Variants in NUAK1 observed in about 807,000 individuals in gnomAD.
The protein encoded by NUAK1 is NUAK family SNF1-like kinase 1.
A neutral mutation model predicts 56.9 loss-of-function variants in NUAK1; 26 were observed. The ratio of observed to expected loss-of-function variants is 0.46; its 90% CI spans 0.33 to 0.63. NUAK1 has a LOEUF of 0.63. Ranked by LOEUF, NUAK1 falls within the 30% of genes least tolerant of loss-of-function variation. The probability of loss-of-function intolerance (pLI) is 0.02; values close to 1 mark genes in which losing one functional copy is unlikely to be tolerated. For synonymous variants in NUAK1, 337 were observed against 336.0 expected (o/e 1.00, Z -0.03); for missense variants, 727 against 876.1 (o/e 0.83, Z 2.15).
rs766989137 is a variant in NUAK1 at position 106,067,173 on chromosome 12, C to G, written c.1615G>C (p.Ala539Pro). ...GTGGGCATTTCAGGGCTGACCAGGGCTGGGTCCATGGTGCCCGCTGAGTAT... is the reference window on the plus strand; with the variant it reads ...GTGGGCATTTCAGGGCTGACCAGGGGTGGGTCCATGGTGCCCGCTGAGTAT... ...SKYSAGTMDP[A>P]LVSPEMPTLE... The change falls in exon 7 of 7, where the codon GCC becomes CCC. Residue 539 changes from alanine (A) to proline (P), a missense_variant. Transcript: ENST00000261402. The surrounding 1 kb of genome is among the most constrained non-coding windows in gnomAD (Gnocchi z 6.0). 1 of 1,614,140 alleles carries G rather than the reference C, an allele frequency of 6.2e-7. No individual in the cohort carries two copies. The highest frequency in any genetic ancestry group is 8.5e-7 in the Non-Finnish European group (1 of 1,180,010).
At chr12:106,093,880 C>A (rs1180720806) in intron 2 of NUAK1, among the ~76,000 whole-genome samples, 1 of 152,162 alleles carries the variant, frequency 6.6e-6, no homozygotes, top group Non-Finnish European at 1.5e-5. Context: ...CTCACTGCAA[C>A]CTCCGCCTCC....
intron 1 of NUAK1, among the ~76,000 whole-genome samples, chr12:106,121,750 G>A (rs766921562): frequency 5.9e-5 from 9 of 151,620 alleles, no homozygotes; most frequent in Admixed American, 2.0e-4. Flanking sequence ...ACCCTGTCTC[G>A]GGAAAAAAAA....
chr12:106,099,837 C>T (rs910230794), intron 2 of NUAK1, among the ~76,000 whole-genome samples: 2 of 151,668 alleles, frequency 1.3e-5, no homozygotes, highest in Admixed American at 6.6e-5. Context: ...GTCACCCAGG[C>T]TGGAGTGCAG....
In NUAK1 at chr12:106,066,468, C is replaced by CTGAAGCAT. The variant is rs1555222466; in HGVS notation, c.*333_*334insATGCTTCA. 1 of 295,124 alleles carries CTGAAGCAT rather than the reference C, an allele frequency of 3.4e-6. No individual in the cohort carries two copies. The highest frequency in any genetic ancestry group is 6.4e-6 in the Non-Finnish European group (1 of 155,232). The allele number at this position is 295,124 out of a possible 1,614,324, so 18.3% of individuals were successfully genotyped here. A position where few individuals can be genotyped will look rare whatever the true frequency, so the allele number is the denominator to read the frequency against. ...CCCTCCTCCAGAAGCATCTGGATGA[C>CTGAAGCAT]TTCTAAGGAAATGCTCCTTCCACAT... On this transcript the variant is annotated 3_prime_UTR_variant, in exon 7 of 7. Transcript: ENST00000261402.
chr12:106,107,080 T>G (rs1280085175), intron 1 of NUAK1, among the ~76,000 whole-genome samples: 1 of 152,158 alleles, frequency 6.6e-6, no homozygotes, highest in Non-Finnish European at 1.5e-5. Flanking sequence ...TCCTACATCC[T>G]TCCTCTTGCC....
At chr12:106,069,362 G>A (rs1243992746) in intron 6 of NUAK1, among the ~76,000 whole-genome samples, 1 of 152,124 alleles carries the variant, frequency 6.6e-6, no homozygotes, top group African/African-American at 2.4e-5. Context: ...TCTATTTAGT[G>A]CTGTATTTCT....
At position 106,067,022 on chromosome 12, in the gene NUAK1, T is replaced by G; in HGVS notation, c.1766A>C (p.Gln589Pro). 1 of 1,614,216 alleles carries G rather than the reference T, an allele frequency of 6.2e-7. No homozygotes were observed. The highest frequency in any genetic ancestry group is 1.1e-5 in the South Asian group (1 of 91,086). Residue 589 changes from glutamine to proline, a missense_variant, in exon 7 of 7, where the codon CAG (glutamine) becomes CCG (proline). Physicochemically the swap from Gln to Pro is moderately conservative, Grantham distance 76 (BLOSUM62 -1). Coordinates refer to ENST00000261402, the MANE Select transcript of NUAK1 (RefSeq NM_014840.3). This position sits in a 1 kb window ranked among gnomAD's most constrained non-coding sequence, Gnocchi z 6.0. Reference protein sequence around the residue: ...SSDSFDLLDLQENRPARQRIR... With the variant: ...SSDSFDLLDLPENRPARQRIR... The stretch of plus-strand genomic sequence containing the variant: ...GCGCTGGCGGGCAGGGCGATTCTCC[T>G]GCAAATCCAGCAAGTCAAAAGAGTC...
intron 1 of NUAK1, among the ~76,000 whole-genome samples, chr12:106,128,133 T>C (rs55950588): frequency 6.8e-4 from 99 of 144,802 alleles, no homozygotes; most frequent in African/African-American, 2.1e-3. Context: ...CTTTTCTTTT[T>C]CTTTTTTTTT....
At chr12:106,118,823 T>C (rs759208213) in intron 1 of NUAK1, among the ~76,000 whole-genome samples, 19 of 152,232 alleles carry the variant, frequency 1.2e-4, no homozygotes, top group Non-Finnish European at 1.3e-4. Context: ...TCAGCTAAAA[T>C]ATCCTGGAGC....
In NUAK1 at chr12:106,106,402, G is replaced by T; in HGVS notation, c.361+3C>A. ...GGGGTTAAAAAAAAAAAAAATCACT[G>T]ACCTTCATAAATACTGATGATATGA... is the stretch of plus-strand genomic sequence containing the variant. On this transcript the variant is annotated splice_donor_region_variant and intron_variant, in intron 2 of 6. Transcript: ENST00000261402. 1.3e-6 allele frequency: 2 copies of T among 1,591,108 alleles called. No individual in the cohort carries two copies. Among genetic ancestry groups the T allele is most frequent in the African/African-American group, 1.3e-5 (1 of 74,104 alleles).
rs2136452608 is a variant in NUAK1, at chr12:106,063,595, C to A, written c.*3207G>T. On this transcript the variant is annotated 3_prime_UTR_variant, in exon 7 of 7. Coordinates refer to ENST00000261402, the MANE Select transcript of NUAK1 (RefSeq NM_014840.3). ...TAATACCTTTGAAATGCCTTTCAGA[C>A]CAATAAATAAAAAAGACAAATTCAA... 1 of 150,972 alleles carries A rather than the reference C, an allele frequency of 6.6e-6. No homozygotes were observed. The highest frequency in any genetic ancestry group is 2.4e-5 in the African/African-American group (1 of 40,918). The allele number at this position is 150,972 out of a possible 1,614,324, so 9.4% of individuals were successfully genotyped here.
At chr12:106,097,530 T>C (rs945810078) in intron 2 of NUAK1, among the ~76,000 whole-genome samples, 1 of 152,212 alleles carries the variant, frequency 6.6e-6, no homozygotes, top group African/African-American at 2.4e-5. Context: ...CAAAAGAACC[T>C]ATATCAGGAC....
chr12:106,067,681 C>G lies in NUAK1; in HGVS notation c.1107G>C (p.Lys369Asn). Residue 369 changes from lysine (K) to asparagine (N), a missense_variant, in exon 7 of 7, where the codon AAG (lysine) becomes AAC (asparagine). By Grantham distance (94) the Lys-to-Asn change is moderately conservative. Transcript: ENST00000261402. The surrounding 1 kb of genome is among the most constrained non-coding windows in gnomAD (Gnocchi z 6.0). ...EVMLERQRSL[K>N]KSKKENDFAQ... ...CAAAGTCATTCTCTTTCTTGGATTT[C>G]TTCAGCGACCGCTGCCGCTCTAGCA... 2 of 1,614,228 alleles carry G rather than the reference C, an allele frequency of 1.2e-6. No individual in the cohort carries two copies. The highest frequency in any genetic ancestry group is 1.7e-6 in the Non-Finnish European group (2 of 1,180,034).
intron 1 of NUAK1, 125 bp from the exon 2 acceptor site, chr12:106,106,650 C>G: frequency 1.1e-6 from 1 of 898,664 alleles, no homozygotes; most frequent in Admixed American, 2.7e-5. Flanking sequence ...CAAAACAAAG[C>G]TTGGAAATGC....
rs192940830 is a variant in NUAK1, at chr12:106,087,440, T to C, written c.362-555A>G. Among the ~76,000 whole-genome samples, 421 of 152,340 alleles carry C rather than the reference T, an allele frequency of 2.8e-3. 3 individuals are homozygous for C. The highest frequency in any genetic ancestry group is 9.3e-3 in the African/African-American group (385 of 41,570). ...ACTACACACCCATTCCATGTATTTA[T>C]TTATTCTGTCTCCCCCAGTCAAATG... On this transcript the variant is annotated intron_variant, in intron 2 of 6. Coordinates refer to ENST00000261402, the MANE Select transcript of NUAK1 (RefSeq NM_014840.3).
chr12:106,110,918 T>C (rs1344456361), intron 1 of NUAK1, among the ~76,000 whole-genome samples: 1 of 152,092 alleles, frequency 6.6e-6, no homozygotes, highest in Non-Finnish European at 1.5e-5. Flanking sequence ...GGTTGGAGGT[T>C]TTTCCTTTTT....
At chr12:106,096,371 G>A (rs914866065) in intron 2 of NUAK1, among the ~76,000 whole-genome samples, 7 of 152,202 alleles carry the variant, frequency 4.6e-5, no homozygotes, top group African/African-American at 7.2e-5. Flanking sequence ...AGGTCAAATA[G>A]CTAACTTAAT....
intron 1 of NUAK1, among the ~76,000 whole-genome samples, chr12:106,135,830 T>C (rs1026883133): frequency 3.3e-5 from 5 of 152,344 alleles, no homozygotes; most frequent in Non-Finnish European, 4.4e-5. Flanking sequence ...TCCAAGTTCA[T>C]ATTTTAGATG....
At chr12:106,083,722 C>T (rs1255469887) in intron 4 of NUAK1, 142 bp downstream of exon 4, 2 of 686,466 alleles carry the variant, frequency 2.9e-6, no homozygotes, top group African/African-American at 1.8e-5. Context: ...ACTTGGAGCT[C>T]AAGCAAAGAG....
Sources: allele counts gnomAD v4.1 joint callset (sites outside exome capture counted in the v4.1 genomes callset), GRCh38; gene constraint gnomAD v4.1.1; non-coding constraint Gnocchi (gnomAD v3.1); transcripts MANE v1.5; gene names NCBI Gene and HGNC (gene_info 2026-07-23, HGNC 2026-07-21).